MAD1L1: variants seen among roughly 807,000 people sequenced by gnomAD.
The protein encoded by MAD1L1 is mitotic arrest deficient 1 like 1, also known as mitotic spindle assembly checkpoint protein MAD1.
In MAD1L1, 95 loss-of-function variants were observed where a neutral mutation model predicts 96.9. That is an observed-to-expected ratio of 0.98 (90% confidence interval 0.83 to 1.16). The LOEUF (loss-of-function observed/expected upper bound fraction) is 1.16, where lower values mean the gene tolerates loss of function less well. Among genes scored for constraint, MAD1L1 ranks in the 50% most tolerant of loss-of-function variants. The pLI is 0.00. For missense variants in MAD1L1, 1,007 were observed against 954.4 expected (o/e 1.06, Z -0.73); for synonymous variants, 473 against 396.6 (o/e 1.19, Z -2.29).
At chr7:2,231,898 T>A (rs537650238) in intron 1 of MAD1L1, among the ~76,000 whole-genome samples, 2 of 152,224 alleles carry the variant, frequency 1.3e-5, no homozygotes, top group South Asian at 4.1e-4. Context: ...CCCTCAAGTC[T>A]TCCACCGCTA....
intron 17 of MAD1L1, among the ~76,000 whole-genome samples, chr7:1,934,296 C>A (rs188363251): frequency 1.3e-5 from 2 of 152,198 alleles, no homozygotes; most frequent in African/African-American, 4.8e-5. Flanking sequence ...AGCCATGGCC[C>A]GGGCACCTGT....
intron 11 of MAD1L1, among the ~76,000 whole-genome samples, chr7:2,092,452 C>T (rs1019481541): frequency 1.3e-5 from 2 of 152,072 alleles, no homozygotes; most frequent in African/African-American, 4.8e-5. Flanking sequence ...CATCTGCCCT[C>T]TGGATATCGG....
At chr7:1,920,616 G>A (rs528139337) in intron 17 of MAD1L1, among the ~76,000 whole-genome samples, 20 of 152,322 alleles carry the variant, frequency 1.3e-4, no homozygotes, top group Admixed American at 9.1e-4. Context: ...CAGATGGAAG[G>A]AGTAAGACCT....
chr7:1,850,552 G>T (rs1276288784), intron 18 of MAD1L1, among the ~76,000 whole-genome samples: 2 of 152,246 alleles, frequency 1.3e-5, no homozygotes, highest in Non-Finnish European at 2.9e-5. Context: ...ACTGCCCCGA[G>T]CCTGTGCTTG....
chr7:2,106,394 G>T (rs905784064), intron 11 of MAD1L1, among the ~76,000 whole-genome samples: 1 of 151,060 alleles, frequency 6.6e-6, no homozygotes, highest in Non-Finnish European at 1.5e-5. Flanking sequence ...CCCTGGAGAC[G>T]GCCATGGTCA....
chr7:1,864,623 G>A (rs866280446), intron 18 of MAD1L1, among the ~76,000 whole-genome samples: 10 of 152,188 alleles, frequency 6.6e-5, no homozygotes, highest in South Asian at 2.1e-4. Context: ...TCCCCCATGC[G>A]GGGCTGTGGC....
intron 18 of MAD1L1, among the ~76,000 whole-genome samples, chr7:1,876,317 GC>G (rs1376526019): frequency 6.6e-6 from 1 of 151,998 alleles, no homozygotes; most frequent in Non-Finnish European, 1.5e-5. Context: ...AAGGTCCCGA[GC>G]CCCCCGTCTG....
intron 3 of MAD1L1, among the ~76,000 whole-genome samples, chr7:2,226,056 C>T (rs1249293501): frequency 1.3e-5 from 2 of 152,188 alleles, no homozygotes; most frequent in East Asian, 1.9e-4. Context: ...AAGTCAACCA[C>T]GTCCAATCTC....
chr7:1,919,435 G>C (rs1395975057), intron 17 of MAD1L1, among the ~76,000 whole-genome samples: 1 of 152,248 alleles, frequency 6.6e-6, no homozygotes, highest in Non-Finnish European at 1.5e-5. Flanking sequence ...AGGCAGAACT[G>C]TAAAGCCAAG....
intron 12 of MAD1L1, among the ~76,000 whole-genome samples, chr7:2,030,603 ACCTGC>A (rs1783183024): frequency 1.3e-5 from 2 of 152,184 alleles, no homozygotes. Context: ...CAGGAGTGGA[ACCTGC>A]CCATCTGCGC....
At chr7:1,874,298 C>T (rs530131143) in intron 18 of MAD1L1, among the ~76,000 whole-genome samples, 15 of 152,264 alleles carry the variant, frequency 9.9e-5, no homozygotes, top group African/African-American at 3.4e-4. Flanking sequence ...ATCGCACGGC[C>T]AGGCTGGGCC....
intron 18 of MAD1L1, among the ~76,000 whole-genome samples, chr7:1,856,197 C>T (rs1039851727): frequency 5.3e-5 from 8 of 152,260 alleles, no homozygotes; most frequent in Non-Finnish European, 8.8e-5. Context: ...CCTCTCCACA[C>T]GTGCCTCTGA....
At chr7:1,978,148 C>T (rs1010908973) in intron 15 of MAD1L1, among the ~76,000 whole-genome samples, 8 of 152,232 alleles carry the variant, frequency 5.3e-5, no homozygotes, top group African/African-American at 1.7e-4. Context: ...TCCCAGCTCC[C>T]CCTCTCACTG....
chr7:1,980,745 T>G (rs1175443648), intron 14 of MAD1L1: 2 of 680,444 alleles, frequency 2.9e-6, no homozygotes, highest in East Asian at 2.9e-5. Context: ...CTCATTTTTT[T>G]GTCACTTCCA....
At chr7:1,936,603 G>T in intron 17 of MAD1L1, 84 bp downstream of exon 17, 1 of 1,345,508 alleles carries the variant, frequency 7.4e-7, no homozygotes, top group Non-Finnish European at 1.0e-6. Flanking sequence ...AGGCAGGGGC[G>T]CCTGAGGCTG....
intron 7 of MAD1L1, among the ~76,000 whole-genome samples, chr7:2,216,691 G>A (rs1793301875): frequency 6.6e-6 from 1 of 152,182 alleles, no homozygotes. Context: ...TGTGTGTGTA[G>A]GAGCGGGCGC....
chr7:2,194,517 A>G (rs189402729), intron 10 of MAD1L1, among the ~76,000 whole-genome samples: 3 of 152,350 alleles, frequency 2.0e-5, no homozygotes, highest in African/African-American at 4.8e-5. Context: ...AAAACTCCTC[A>G]GTCTCAGACA....
chr7:1,897,720 C>A (rs1345620241), intron 18 of MAD1L1, among the ~76,000 whole-genome samples: 2 of 152,102 alleles, frequency 1.3e-5, no homozygotes, highest in Non-Finnish European at 2.9e-5. Context: ...TGTAGAGATG[C>A]GGCTGGCTCT....
chr7:1,981,486 C>CA (rs1243474194), intron 14 of MAD1L1, among the ~76,000 whole-genome samples: 2 of 152,184 alleles, frequency 1.3e-5, no homozygotes, highest in African/African-American at 4.8e-5. Context: ...AGACGCCCCT[C>CA]ACCACTCCTG....
Sources: gnomAD v4.1 joint callset for allele counts (sites outside exome capture counted in the v4.1 genomes callset) on GRCh38, gnomAD v4.1.1 for gene constraint, MANE v1.5 for transcripts, NCBI Gene and HGNC (gene_info 2026-07-23, HGNC 2026-07-21) for gene names.